Variants in FSTL5 observed in about 807,000 individuals in gnomAD.
The protein encoded by FSTL5 is follistatin-related protein 5.
In FSTL5, 62 loss-of-function variants were observed where a neutral mutation model predicts 89.1. That is an observed-to-expected ratio of 0.70 (90% confidence interval 0.57 to 0.86). The LOEUF is 0.86. Among genes scored for constraint, FSTL5 ranks in the 40% least tolerant of loss-of-function variants. The pLI, the probability that FSTL5 is intolerant of heterozygous loss-of-function variation, is 0.00. For synonymous variants in FSTL5, 383 were observed against 346.2 expected, an observed-to-expected ratio of 1.11 and a Z score of -1.18; for missense variants, 1,057 against 1,001.6, an observed-to-expected ratio of 1.06 and a Z score of -0.75.
At chr4:161,762,403 G>A (rs892968825) in intron 5 of FSTL5, among the ~76,000 whole-genome samples, 22 of 152,158 alleles carry the variant, frequency 1.4e-4, no homozygotes, top group African/African-American at 5.3e-4. Flanking sequence ...ATAGTTCCTT[G>A]CACTTCTTTC....
At chr4:161,833,353 T>C (rs1730913622) in intron 4 of FSTL5, among the ~76,000 whole-genome samples, 1 of 151,498 alleles carries the variant, frequency 6.6e-6, no homozygotes, top group African/African-American at 2.4e-5. Flanking sequence ...AAAATGTATA[T>C]TCTGTTGATT....
intron 3 of FSTL5, among the ~76,000 whole-genome samples, chr4:161,924,913 G>C (rs1358299159): frequency 1.3e-5 from 2 of 151,790 alleles, no homozygotes; most frequent in African/African-American, 4.8e-5. Flanking sequence ...TTATGTTAAA[G>C]TAAAAAATGT....
intron 12 of FSTL5, among the ~76,000 whole-genome samples, chr4:161,498,396 T>C (rs1730167100): frequency 6.6e-6 from 1 of 152,156 alleles, no homozygotes. Flanking sequence ...TGGGAAAGCA[T>C]GCTCTTTAAG....
At chr4:162,140,180 G>A (rs1176769866) in intron 1 of FSTL5, among the ~76,000 whole-genome samples, 1 of 152,014 alleles carries the variant, frequency 6.6e-6, no homozygotes, top group East Asian at 1.9e-4. Flanking sequence ...CTGCTGATGA[G>A]AATGTAAATA....
intron 15 of FSTL5, among the ~76,000 whole-genome samples, chr4:161,407,822 C>T (rs1731438683): frequency 6.6e-6 from 1 of 152,170 alleles, no homozygotes; most frequent in Non-Finnish European, 1.5e-5. Flanking sequence ...CCTCCACTGC[C>T]CAGCCTGAGT....
At chr4:162,036,035 T>G (rs1305984515) in intron 2 of FSTL5, among the ~76,000 whole-genome samples, 1 of 152,108 alleles carries the variant, frequency 6.6e-6, no homozygotes, top group African/African-American at 2.4e-5. Context: ...CTTTACTGCT[T>G]CCTCTTTTCC....
intron 1 of FSTL5, among the ~76,000 whole-genome samples, chr4:162,137,536 T>C (rs1192681496): frequency 6.6e-6 from 1 of 152,158 alleles, no homozygotes; most frequent in African/African-American, 2.4e-5. Flanking sequence ...ACTACAGGAT[T>C]TCTTTATAAG....
intron 15 of FSTL5, among the ~76,000 whole-genome samples, chr4:161,448,564 A>C (rs1372114822): frequency 2.0e-5 from 3 of 152,130 alleles, no homozygotes; most frequent in Non-Finnish European, 4.4e-5. Flanking sequence ...ACATATATCA[A>C]ACTCAATCCC....
intron 4 of FSTL5, among the ~76,000 whole-genome samples, chr4:161,892,725 G>T (rs541110892): frequency 6.6e-6 from 1 of 151,974 alleles, no homozygotes; most frequent in African/African-American, 2.4e-5. Context: ...TTATATACAG[G>T]AAATTAAAAT....
intron 2 of FSTL5, among the ~76,000 whole-genome samples, chr4:162,062,497 G>A (rs2111285585): frequency 6.6e-6 from 1 of 151,732 alleles, no homozygotes; most frequent in East Asian, 1.9e-4. Context: ...GGTAACAAAT[G>A]AACCCTTTAC....
At chr4:161,510,779 GTTTA>G (rs1055298230) in intron 10 of FSTL5, among the ~76,000 whole-genome samples, 2 of 151,752 alleles carry the variant, frequency 1.3e-5, no homozygotes, top group African/African-American at 4.8e-5. Flanking sequence ...TAGGTTGACA[GTTTA>G]TTTAAGTTGC....
intron 6 of FSTL5, among the ~76,000 whole-genome samples, chr4:161,700,811 CTG>C (rs1168000266): frequency 6.6e-6 from 1 of 152,118 alleles, no homozygotes; most frequent in Non-Finnish European, 1.5e-5. Context: ...ATTTATATGT[CTG>C]TATTTTTATA....
intron 3 of FSTL5, among the ~76,000 whole-genome samples, chr4:161,964,893 A>G (rs1211938347): frequency 6.6e-6 from 1 of 152,062 alleles, no homozygotes; most frequent in African/African-American, 2.4e-5. Context: ...CTTGAAAAGT[A>G]TAATAATTTA....
chr4:162,066,495 A>G (rs1482957694), intron 2 of FSTL5, among the ~76,000 whole-genome samples: 4 of 147,676 alleles, frequency 2.7e-5, no homozygotes, highest in African/African-American at 1.0e-4. Flanking sequence ...TACATGTGCC[A>G]TGGTGGTTTG....
intron 6 of FSTL5, among the ~76,000 whole-genome samples, chr4:161,741,687 T>TA (rs1280190777): frequency 1.0e-4 from 9 of 88,256 alleles, no homozygotes; most frequent in Non-Finnish European, 2.6e-4. Context: ...TATGATTTTT[T>TA]TTTTTTTTTT....
chr4:161,636,104 A>C (rs1412119149), intron 7 of FSTL5, among the ~76,000 whole-genome samples: 2 of 151,998 alleles, frequency 1.3e-5, no homozygotes, highest in African/African-American at 4.8e-5. Context: ...AAAAAAAAAA[A>C]ATCCTTGAAG....
chr4:162,068,879 C>A lies in FSTL5; in HGVS notation c.127-35221G>T, dbSNP rs930937168. 1.6e-4 allele frequency among the ~76,000 whole-genome samples: 24 copies of A among 151,932 alleles called. 1 individual carries two copies. Among genetic ancestry groups the A allele is most frequent in the Admixed American group, 1.5e-3 (23 of 15,240 alleles). ...ACAAACAACCCCATTAAACAGTGGG[C>A]AAAAGCCATGAACACACACTTTTCA... is the stretch of plus-strand genomic sequence containing the variant. On this transcript the variant is annotated intron_variant, in intron 2 of 15. Coordinates refer to ENST00000306100, the MANE Select transcript of FSTL5 (RefSeq NM_020116.5).
At chr4:162,018,600 T>C (rs2111150315) in intron 3 of FSTL5, among the ~76,000 whole-genome samples, 1 of 152,182 alleles carries the variant, frequency 6.6e-6, no homozygotes, top group Middle Eastern at 3.4e-3. Context: ...AACTTTTTTC[T>C]CTGCCTACAT....
intron 1 of FSTL5, among the ~76,000 whole-genome samples, chr4:162,128,991 G>A (rs1362505072): frequency 6.6e-6 from 1 of 150,532 alleles, no homozygotes; most frequent in Non-Finnish European, 1.5e-5. Context: ...GCGCCATCTG[G>A]GCGGCTCGCT....
Sources: gnomAD v4.1 joint callset for allele counts (sites outside exome capture counted in the v4.1 genomes callset) on GRCh38, gnomAD v4.1.1 for gene constraint, MANE v1.5 for transcripts, NCBI Gene and HGNC (gene_info 2026-07-23, HGNC 2026-07-21) for gene names.